TMPRSS7: variants seen among roughly 807,000 people sequenced by gnomAD.
TMPRSS7 encodes the protein transmembrane protease serine 7.
In TMPRSS7, 81 loss-of-function variants were observed where a neutral mutation model predicts 95.6. The ratio of observed to expected loss-of-function variants is 0.85; its 90% CI spans 0.71 to 1.02. The LOEUF is 1.02. Ranked by LOEUF, TMPRSS7 falls within the 50% of genes least tolerant of loss-of-function variation. The pLI is 0.00. For synonymous variants in TMPRSS7, 364 were observed against 337.8 expected (o/e 1.08, Z -0.85); for missense variants, 945 against 955.2 (o/e 0.99, Z 0.14).
At chr3:112,047,383 A>G (rs1166733526) in intron 6 of TMPRSS7, 1 of 562,390 alleles carries the variant, frequency 1.8e-6, no homozygotes. Flanking sequence ...AACCACCTCC[A>G]CGTATTTCCT....
chr3:112,066,008 TGAA>T, intron 12 of TMPRSS7, among the ~76,000 whole-genome samples: 1 of 152,310 alleles, frequency 6.6e-6, no homozygotes, highest in Middle Eastern at 3.4e-3. Context: ...GGTACGGAGA[TGAA>T]GAAGACAAAA....
chr3:112,078,804 G>T, exon 17 of TMPRSS7: 1 of 1,614,180 alleles, frequency 6.2e-7, no homozygotes, highest in Non-Finnish European at 8.5e-7. Context: ...AACGCTCTGT[G>T]TTTCCACCTA....
At chr3:112,035,020 G>A in intron 1 of TMPRSS7, 127 bp downstream of exon 1, 3 of 627,494 alleles carry the variant, frequency 4.8e-6, no homozygotes, top group South Asian at 3.8e-5. Context: ...TCTTCTTATG[G>A]TAATTAATGG....
chr3:112,041,070 C>A (rs1160441614), intron 2 of TMPRSS7, among the ~76,000 whole-genome samples: 9 of 130,624 alleles, frequency 6.9e-5, no homozygotes, highest in Non-Finnish European at 1.3e-4. Context: ...ATTTTAGAGT[C>A]TGCAACCAAA....
intron 9 of TMPRSS7, among the ~76,000 whole-genome samples, chr3:112,051,528 TATCTATC>T (rs1298138325): frequency 6.0e-5 from 8 of 134,212 alleles, no homozygotes; most frequent in Non-Finnish European, 9.8e-5. Context: ...TCTATCTATC[TATCTATC>T]TATCTATCTA....
chr3:112,067,596 T>C (rs2107757025), intron 13 of TMPRSS7, among the ~76,000 whole-genome samples: 2 of 152,374 alleles, frequency 1.3e-5, no homozygotes, highest in Middle Eastern at 6.8e-3. Flanking sequence ...ATGAGCATTT[T>C]TTCTTGTGTC....
At chr3:112,048,354 C>T (rs192733633) in intron 7 of TMPRSS7, among the ~76,000 whole-genome samples, 1 of 151,970 alleles carries the variant, frequency 6.6e-6, no homozygotes, top group African/African-American at 2.4e-5. Flanking sequence ...TTTTTTTTCT[C>T]GTTACAAAGA....
intron 12 of TMPRSS7, among the ~76,000 whole-genome samples, chr3:112,065,676 G>C (rs1020163501): frequency 2.0e-5 from 3 of 152,126 alleles, no homozygotes; most frequent in Non-Finnish European, 4.4e-5. Context: ...ACAAGAGCTA[G>C]CTCTGAAAAA....
intron 13 of TMPRSS7, among the ~76,000 whole-genome samples, chr3:112,068,963 C>T (rs1466086541): frequency 1.3e-5 from 2 of 152,156 alleles, no homozygotes; most frequent in Non-Finnish European, 2.9e-5. Flanking sequence ...GTGGGTTTGT[C>T]ATAAATAGCT....
At chr3:112,035,964 C>T (rs746999349) in intron 1 of TMPRSS7, among the ~76,000 whole-genome samples, 4 of 152,212 alleles carry the variant, frequency 2.6e-5, no homozygotes, top group Admixed American at 6.5e-5. Context: ...GCAATGGCAG[C>T]GGCTGGCAAT....
At chr3:112,073,521 G>C (rs1460499490) in intron 13 of TMPRSS7, among the ~76,000 whole-genome samples, 1 of 152,062 alleles carries the variant, frequency 6.6e-6, no homozygotes, top group Non-Finnish European at 1.5e-5. Flanking sequence ...GTGTCTGTTG[G>C]CTGCATAAAT....
exon 14 of TMPRSS7, chr3:112,074,388 G>A (rs1453306057): frequency 6.2e-7 from 1 of 1,612,818 alleles, no homozygotes; most frequent in Admixed American, 1.7e-5. Context: ...GGATTGTCCA[G>A]ATGGAAGTGA....
chr3:112,038,139 C>T, exon 2 of TMPRSS7: 1 of 702,730 alleles, frequency 1.4e-6, no homozygotes, highest in Non-Finnish European at 2.6e-6. Flanking sequence ...CCACCGTTGC[C>T]AGGGAGACGA....
chr3:112,066,959 C>T (rs182465918), intron 13 of TMPRSS7, among the ~76,000 whole-genome samples: 19 of 152,214 alleles, frequency 1.2e-4, no homozygotes, highest in African/African-American at 4.3e-4. Flanking sequence ...AGGTATTTCT[C>T]CTAATGCTAT....
chr3:112,049,926 C>T (rs1402580217), exon 8 of TMPRSS7: 15 of 1,568,100 alleles, frequency 9.6e-6, no homozygotes, highest in African/African-American at 1.3e-5. Flanking sequence ...TCCTCATATA[C>T]GGAGGCTCTC....
chr3:112,045,875 T>C (rs2073272547), exon 5 of TMPRSS7: 1 of 1,551,914 alleles, frequency 6.4e-7, no homozygotes, highest in Non-Finnish European at 8.7e-7. Flanking sequence ...CAGACAAGCA[T>C]CATAAACCGG....
rs1559966152 is a variant in TMPRSS7 at position 112,080,526 on chromosome 3, T to TCACTACTACTACTACTACCAC, written c.2362-370_2362-369insCACCACTACTACTACTACTAC. 8.8e-3 allele frequency among the ~76,000 whole-genome samples: 1,157 copies of TCACTACTACTACTACTACCAC among 131,966 alleles called. 19 individuals carry two copies. The highest frequency in any genetic ancestry group is 0.031 in the African/African-American group (1,114 of 36,332). 86.6% of individuals were successfully genotyped at this position (131,966 alleles called of 152,430 possible). A position where few individuals can be genotyped will look rare whatever the true frequency, so the allele number is the denominator to read the frequency against. ...GCTAGCACTAAATAAATTTTAGCCCTCACTACTACTACTACTACTACCACC... is the reference window on the plus strand; with the variant it reads ...GCTAGCACTAAATAAATTTTAGCCCTCACTACTACTACTACTACCACCACTACTACTACTACTACTACCACC... On this transcript the variant is annotated intron_variant, in intron 17 of 17. Transcript: ENST00000452346.
At chr3:112,053,003 G>A (rs11711987) in intron 9 of TMPRSS7, among the ~76,000 whole-genome samples, 35,386 of 151,828 alleles carry the variant, frequency 0.23, 4,278 homozygotes, top group South Asian at 0.28. Flanking sequence ...GCAGGAAACA[G>A]CAGGACAAAC....
chr3:112,055,127 G>A (rs936241760), intron 9 of TMPRSS7, among the ~76,000 whole-genome samples: 1 of 152,106 alleles, frequency 6.6e-6, no homozygotes, highest in Non-Finnish European at 1.5e-5. Context: ...TGGGTTTTCG[G>A]TAAACATAAG....
Sources: allele counts gnomAD v4.1 joint callset (sites outside exome capture counted in the v4.1 genomes callset), GRCh38; gene constraint gnomAD v4.1.1; transcripts MANE v1.5; gene names NCBI Gene and HGNC (gene_info 2026-07-23, HGNC 2026-07-21).